B3GNT5: variants seen among roughly 807,000 people sequenced by gnomAD.
The protein encoded by B3GNT5 is lactosylceramide 1,3-N-acetyl-beta-D-glucosaminyltransferase.
Under a neutral mutation model 25.9 loss-of-function variants are expected in B3GNT5, and 11 were observed. The ratio of observed to expected loss-of-function variants is 0.42; its 90% CI spans 0.27 to 0.70. B3GNT5 has a LOEUF of 0.70. Among genes scored for constraint, B3GNT5 ranks in the 30% least tolerant of loss-of-function variants. The pLI, the probability that B3GNT5 is intolerant of heterozygous loss-of-function variation, is 0.23. For missense variants in B3GNT5, 385 were observed against 458.4 expected (o/e 0.84, Z 1.46); for synonymous variants, 166 against 158.6 (o/e 1.05, Z -0.35).
At chr3:183,264,735 G>C (rs1212905456) in intron 1 of B3GNT5, among the ~76,000 whole-genome samples, 4 of 152,192 alleles carry the variant, frequency 2.6e-5, no homozygotes, top group African/African-American at 7.2e-5. Context: ...GCAGGGGTAA[G>C]GTTTACAACA....
intron 1 of B3GNT5, chr3:183,265,212 A>G (rs1252174065): frequency 2.6e-5 from 4 of 152,256 alleles, no homozygotes; most frequent in African/African-American, 9.6e-5. Context: ...CCAAGGTTAC[A>G]CAATAAATCT....
intron 1 of B3GNT5, chr3:183,254,077 G>C (rs1203307118): frequency 6.6e-6 from 1 of 151,814 alleles, no homozygotes; most frequent in Non-Finnish European, 1.5e-5. Context: ...CCCCGCCCCC[G>C]CCCCGCCGCG....
rs1472089329 is a variant in B3GNT5, at chr3:183,272,079, A to G, written c.*1144A>G. On this transcript the variant is annotated 3_prime_UTR_variant, in exon 2 of 2. Transcript: ENST00000326505. ...GTCAGAGGTGATCTTTATTTTCTAA[A>G]TATTTCAAACTTGAAAACAGAGTAA... 1 of 845,042 alleles carries G rather than the reference A, an allele frequency of 1.2e-6. No individual in the cohort carries two copies. Among genetic ancestry groups the G allele is most frequent in the East Asian group, 1.2e-4 (1 of 8,162 alleles). 52.3% of individuals were successfully genotyped at this position (845,042 alleles called of 1,614,324 possible). A position where few individuals can be genotyped will look rare whatever the true frequency, so the allele number is the denominator to read the frequency against.
chr3:183,257,669 TAAAGACAATGTCCAG>T (rs972222428), intron 1 of B3GNT5, among the ~76,000 whole-genome samples: 3 of 152,198 alleles, frequency 2.0e-5, no homozygotes, highest in African/African-American at 7.2e-5. Context: ...GTGTTGCTTC[TAAAGACAATGTCCAG>T]AATGGGACGT....
rs1468632780 is a variant in B3GNT5, at chr3:183,253,420, G to A, written c.-354G>A. The A allele has an allele frequency of 6.6e-6, 1 of 152,244 alleles. No homozygotes were observed. Among genetic ancestry groups the A allele is most frequent in the East Asian group, 1.9e-4 (1 of 5,190 alleles). The allele number at this position is 152,244 out of a possible 1,614,324, so 9.4% of individuals were successfully genotyped here. A position where few individuals can be genotyped will look rare whatever the true frequency, so the allele number is the denominator to read the frequency against. On this transcript the variant is annotated 5_prime_UTR_variant, in exon 1 of 2. Coordinates refer to ENST00000326505, the MANE Select transcript of B3GNT5 (RefSeq NM_032047.5). ...TTTGGACATTTAAAGAGCTGGGCTT[G>A]AACTTCGTGAGTTTCGCTCTAAACT...
chr3:183,266,790 CT>C (rs113393313), intron 1 of B3GNT5, among the ~76,000 whole-genome samples: 369 of 143,320 alleles, frequency 2.6e-3, no homozygotes, highest in Admixed American at 2.7e-3. Context: ...GTGTTTCAGT[CT>C]TTTTTTTTTT....
In B3GNT5 at chr3:183,271,052, G is replaced by T; in HGVS notation, c.*117G>T. 3.2e-6 allele frequency: 3 copies of T among 945,884 alleles called. No individual in the cohort carries two copies. The highest frequency in any genetic ancestry group is 4.6e-6 in the Non-Finnish European group (3 of 657,944). The allele number at this position is 945,884 out of a possible 1,614,324, so 58.6% of individuals were successfully genotyped here. A position where few individuals can be genotyped will look rare whatever the true frequency, so the allele number is the denominator to read the frequency against. ...AGGACGAAAGACAAATATTTTGAAAGCCTAGTCCATCAGAATGTTTCTTTG... is the reference window on the plus strand; with the variant it reads ...AGGACGAAAGACAAATATTTTGAAATCCTAGTCCATCAGAATGTTTCTTTG... On this transcript the variant is annotated 3_prime_UTR_variant, in exon 2 of 2. Transcript: ENST00000326505.
chr3:183,271,106 C>A lies in B3GNT5; in HGVS notation c.*171C>A. 1.8e-6 allele frequency: 1 copy of A among 548,236 alleles called. No homozygotes were observed. The highest frequency in any genetic ancestry group is 3.8e-5 in the South Asian group (1 of 26,346). The allele number at this position is 548,236 out of a possible 1,614,324, so 34.0% of individuals were successfully genotyped here. A position where few individuals can be genotyped will look rare whatever the true frequency, so the allele number is the denominator to read the frequency against. ...CTAGAAGCTGTTTAATATCACTTAT[C>A]TACTTCATTGCCTAAGTTCATTTCA... On this transcript the variant is annotated 3_prime_UTR_variant, in exon 2 of 2. Transcript: ENST00000326505.
intron 1 of B3GNT5, chr3:183,258,226 A>G: frequency 6.5e-6 from 1 of 152,710 alleles, no homozygotes; most frequent in Non-Finnish European, 1.5e-5. Context: ...TCGGCCTCCC[A>G]AAGTGCTGGG....
intron 1 of B3GNT5, chr3:183,266,068 G>C (rs992427053): frequency 2.6e-5 from 4 of 152,216 alleles, no homozygotes; most frequent in African/African-American, 9.7e-5. Flanking sequence ...TGAAGGTTCT[G>C]AACCAGCTGC....
chr3:183,267,404 AT>A lies in B3GNT5; in HGVS notation c.-301-2093del, dbSNP rs1200871250. Among the ~76,000 whole-genome samples, 1 of 152,166 alleles carries A rather than the reference AT, an allele frequency of 6.6e-6. No individual in the cohort carries two copies. Among genetic ancestry groups the A allele is most frequent in the African/African-American group, 2.4e-5 (1 of 41,436 alleles). ...GCCTCCACCCTGATGTGGAGTGATC[AT>A]GGGGGTGGGAAATATAGCTGGATCC... is the stretch of plus-strand genomic sequence containing the variant. On this transcript the variant is annotated intron_variant, in intron 1 of 1. Transcript: ENST00000326505. This position sits in a 1 kb window ranked among gnomAD's most constrained non-coding sequence, Gnocchi z 5.5.
At chr3:183,254,086 C>A (rs1724787296) in intron 1 of B3GNT5, 1 of 151,926 alleles carries the variant, frequency 6.6e-6, no homozygotes, top group Non-Finnish European at 1.5e-5. Context: ...CGCCCCGCCG[C>A]GCCTCCTCGG....
At position 183,269,713 on chromosome 3, in the gene B3GNT5, A is replaced by G. The variant is rs1270197043; in HGVS notation, c.-86A>G. Reference sequence around the variant, plus strand: ...CCAACATGTATTAAGATGGACACCTACTCTACGAAACACGAAGTTCTATGG... The same window carrying G: ...CCAACATGTATTAAGATGGACACCTGCTCTACGAAACACGAAGTTCTATGG... On this transcript the variant is annotated 5_prime_UTR_variant, in exon 2 of 2. Coordinates refer to ENST00000326505, the MANE Select transcript of B3GNT5 (RefSeq NM_032047.5). The G allele has an allele frequency of 1.6e-6, 2 of 1,221,312 alleles. No homozygotes were observed. The highest frequency in any genetic ancestry group is 2.3e-5 in the East Asian group (1 of 42,620). The allele number at this position is 1,221,312 out of a possible 1,614,324, so 75.7% of individuals were successfully genotyped here.
chr3:183,270,767 T>C lies in B3GNT5; in HGVS notation c.969T>C (p.His323=), dbSNP rs755994534. ...PCIYEKMMTS[H]GHLEDLQDLW... is the part of the protein sequence containing the mutation. ...TCTATGAAAAAATGATGACATCTCATGGACACTTAGAAGATCTCCAGGACC... is the reference window on the plus strand; with the variant it reads ...TCTATGAAAAAATGATGACATCTCACGGACACTTAGAAGATCTCCAGGACC... The change falls in exon 2 of 2, where the codon CAT becomes CAC. Residue 323 remains histidine (H), a synonymous_variant. Coordinates refer to ENST00000326505, the MANE Select transcript of B3GNT5 (RefSeq NM_032047.5). The surrounding 1 kb of genome is among the most constrained non-coding windows in gnomAD (Gnocchi z 4.5). 10 of 1,613,946 alleles carry C rather than the reference T, an allele frequency of 6.2e-6. No homozygotes were observed. The East Asian group carries it at 1.6e-4, about 25-fold the overall frequency.
chr3:183,264,103 A>T (rs1725873978), intron 1 of B3GNT5, among the ~76,000 whole-genome samples: 1 of 152,162 alleles, frequency 6.6e-6, no homozygotes, highest in Non-Finnish European at 1.5e-5. Context: ...TATAACAAAC[A>T]AAACCAGAAA....
chr3:183,254,210 C>T (rs1281439384), intron 1 of B3GNT5: 1 of 152,012 alleles, frequency 6.6e-6, no homozygotes, highest in African/African-American at 2.4e-5. Context: ...GGCCCTCGCC[C>T]GGCGGGTGGC....
intron 1 of B3GNT5, among the ~76,000 whole-genome samples, chr3:183,258,648 C>T (rs895294905): frequency 1.1e-4 from 16 of 152,314 alleles, no homozygotes; most frequent in Admixed American, 2.0e-4. Flanking sequence ...ACCACCCCCC[C>T]GCCCCTGATA....
chr3:183,270,779 A>C lies in B3GNT5; in HGVS notation c.981A>C (p.Glu327Asp). 1 of 1,614,002 alleles carries C rather than the reference A, an allele frequency of 6.2e-7. No homozygotes were observed. Among genetic ancestry groups the C allele is most frequent in the Non-Finnish European group, 8.5e-7 (1 of 1,179,984 alleles). Residue 327 changes from glutamate to aspartate, a missense_variant, in exon 2 of 2, where the codon GAA (glutamate) becomes GAC (aspartate). Coordinates refer to ENST00000326505, the MANE Select transcript of B3GNT5 (RefSeq NM_032047.5). This position sits in a 1 kb window ranked among gnomAD's most constrained non-coding sequence, Gnocchi z 4.5. Reference sequence around the variant, plus strand: ...TGATGACATCTCATGGACACTTAGAAGATCTCCAGGACCTTTGGAAGAATG... The same window carrying C: ...TGATGACATCTCATGGACACTTAGACGATCTCCAGGACCTTTGGAAGAATG... ...EKMMTSHGHL[E>D]DLQDLWKNAT...
Position 183,270,874 on chromosome 3 carries a change from T to TAA in B3GNT5, c.1077_1078dup (p.Ile360LysfsTer24), listed in dbSNP as rs1449529450. 1.2e-6 allele frequency: 2 copies of TAA among 1,609,526 alleles called. No homozygotes were observed. Among genetic ancestry groups the TAA allele is most frequent in the East Asian group, 2.2e-5 (1 of 44,880 alleles). ...CAAATATACTGCAGATTAATGAAGATAATTCTCCTTTGTAAAATTAGCTAT... is the reference window on the plus strand; with the variant it reads ...CAAATATACTGCAGATTAATGAAGATAAAATTCTCCTTTGTAAAATTAGCTAT... On this transcript the variant is annotated frameshift_variant, in exon 2 of 2. Coordinates refer to ENST00000326505, the MANE Select transcript of B3GNT5 (RefSeq NM_032047.5). LOFTEE classifies it high-confidence loss of function. The surrounding 1 kb of genome is among the most constrained non-coding windows in gnomAD (Gnocchi z 4.5).
Sources: allele counts gnomAD v4.1 joint callset (sites outside exome capture counted in the v4.1 genomes callset), GRCh38; gene constraint gnomAD v4.1.1; non-coding constraint Gnocchi (gnomAD v3.1); transcripts MANE v1.5; gene names NCBI Gene and HGNC (gene_info 2026-07-23, HGNC 2026-07-21).